The following CHRM2 variants were observed in gnomAD, a reference collection of about 807,000 sequenced individuals.
The protein encoded by CHRM2 is muscarinic acetylcholine receptor M2.
CHRM2 carries 8 observed loss-of-function variants against 25.0 expected under a neutral mutation model. That is an observed-to-expected ratio of 0.32 (90% confidence interval 0.19 to 0.58). CHRM2 has a LOEUF of 0.58. Among genes scored for constraint, CHRM2 ranks in the 20% least tolerant of loss-of-function variants. CHRM2 has a pLI of 0.88. For missense variants in CHRM2, 440 were observed against 567.1 expected, an observed-to-expected ratio of 0.78 and a Z score of 2.28; for synonymous variants, 202 against 205.7, an observed-to-expected ratio of 0.98 and a Z score of 0.15.
At chr7:136,951,471 T>C (rs998241183) in intron 2 of CHRM2, among the ~76,000 whole-genome samples, 11 of 152,054 alleles carry the variant, frequency 7.2e-5, no homozygotes, top group African/African-American at 2.7e-4. Context: ...CAGCTGTAGG[T>C]TCTATAACTG....
At chr7:136,998,580 A>G (rs948361444) in intron 3 of CHRM2, among the ~76,000 whole-genome samples, 1 of 152,202 alleles carries the variant, frequency 6.6e-6, no homozygotes, top group Non-Finnish European at 1.5e-5. Flanking sequence ...TCATTGCCAC[A>G]GGGACAAAAA....
At chr7:136,974,732 T>C (rs1419782579) in intron 2 of CHRM2, among the ~76,000 whole-genome samples, 45 of 152,202 alleles carry the variant, frequency 3.0e-4, no homozygotes, top group Admixed American at 2.4e-3. Flanking sequence ...CCATTCTACA[T>C]TGGGATTTTA....
intron 2 of CHRM2, among the ~76,000 whole-genome samples, chr7:136,960,785 G>T (rs1801022852): frequency 6.6e-6 from 1 of 152,084 alleles, no homozygotes; most frequent in African/African-American, 2.4e-5. Flanking sequence ...CACTTGCAAT[G>T]GTTCAACTTA....
intron 2 of CHRM2, chr7:136,870,299 C>T (rs984506472): frequency 3.9e-5 from 6 of 152,566 alleles, no homozygotes; most frequent in Admixed American, 2.0e-4. Flanking sequence ...AGGCAATCGC[C>T]GCTAACTTGT....
intron 2 of CHRM2, among the ~76,000 whole-genome samples, chr7:136,892,906 G>T (rs888583776): frequency 2.0e-5 from 3 of 152,110 alleles, no homozygotes; most frequent in African/African-American, 4.8e-5. Context: ...CTGACCTCAG[G>T]TCTCCCAAAG....
At position 136,986,711 on chromosome 7, in the gene CHRM2, G is replaced by A. The variant is rs58856006; in HGVS notation, c.-124-5476G>A. On this transcript the variant is annotated intron_variant, in intron 2 of 3. Transcript: ENST00000680005. The stretch of plus-strand genomic sequence containing the variant: ...AATGAGCTAAGAAATGTCAAATAAT[G>A]ATTTGTTCTACCCTGGGGCAAGCCG... Among the ~76,000 whole-genome samples, 617 of 152,252 alleles carry A rather than the reference G, an allele frequency of 4.1e-3. 4 individuals are homozygous for A. The highest frequency in any genetic ancestry group is 0.014 in the African/African-American group (567 of 41,538).
intron 2 of CHRM2, among the ~76,000 whole-genome samples, chr7:136,916,119 G>T (rs1416813216): frequency 7.3e-6 from 1 of 137,694 alleles, no homozygotes; most frequent in Non-Finnish European, 1.7e-5. Flanking sequence ...TGCACTGTTT[G>T]TAGGGAGAAT....
At chr7:136,875,421 A>G (rs1305719978) in intron 2 of CHRM2, among the ~76,000 whole-genome samples, 1 of 152,058 alleles carries the variant, frequency 6.6e-6, no homozygotes, top group Non-Finnish European at 1.5e-5. Context: ...TCCAAATTCC[A>G]CTGCTGCCCT....
In CHRM2 at chr7:137,018,483, C is replaced by A. The variant is rs1358595469; in HGVS notation, c.*2217C>A. ...AATAACGTCAAGCCAGTGGGCTCCT[C>A]GAGTTTCTGAAAACCAGAGAATTGA... On this transcript the variant is annotated 3_prime_UTR_variant, in exon 4 of 4. Coordinates refer to ENST00000680005, the MANE Select transcript of CHRM2 (RefSeq NM_001006630.2). The A allele has an allele frequency of 9.9e-5, 15 of 151,878 alleles. 1 individual carries two copies. Among genetic ancestry groups the A allele is most frequent in the Admixed American group, 9.9e-4 (15 of 15,200 alleles). 9.4% of individuals were successfully genotyped at this position (151,878 alleles called of 1,614,324 possible). A position where few individuals can be genotyped will look rare whatever the true frequency, so the allele number is the denominator to read the frequency against.
chr7:136,901,456 A>T (rs2130620574), intron 2 of CHRM2, among the ~76,000 whole-genome samples: 1 of 152,176 alleles, frequency 6.6e-6, no homozygotes, highest in African/African-American at 2.4e-5. Context: ...ATTTATTCAT[A>T]CAAAACACAT....
chr7:137,017,565 C>T lies in CHRM2; in HGVS notation c.*1299C>T, dbSNP rs558637879. 20 of 152,046 alleles carry T rather than the reference C, an allele frequency of 1.3e-4. No homozygotes were observed. The highest frequency in any genetic ancestry group is 3.6e-4 in the African/African-American group (15 of 41,530). 9.4% of individuals were successfully genotyped at this position (152,046 alleles called of 1,614,324 possible). The stretch of plus-strand genomic sequence containing the variant: ...TATGACCCCATGAAAGGGGAAAAAA[C>T]GATATTTTAAAAACTATTACTGAAA... On this transcript the variant is annotated 3_prime_UTR_variant, in exon 4 of 4. Coordinates refer to ENST00000680005, the MANE Select transcript of CHRM2 (RefSeq NM_001006630.2).
rs774435971 is a variant in CHRM2 at position 137,015,381 on chromosome 7, G to C, written c.516G>C (p.Glu172Asp). Reference protein sequence around the residue: ...WQFIVGVRTVEDGECYIQFFS... With the variant: ...WQFIVGVRTVDDGECYIQFFS... ...TCATTGTAGGGGTGAGAACTGTGGA[G>C]GATGGGGAGTGCTACATTCAGTTTT... The change falls in exon 4 of 4, where the codon GAG becomes GAC. Residue 172 changes from glutamate to aspartate, a missense_variant. Glu to Asp is a conservative substitution (Grantham distance 45, BLOSUM62 2). Transcript: ENST00000680005. This position sits in a 1 kb window ranked among gnomAD's most constrained non-coding sequence, Gnocchi z 5.1. The C allele has an allele frequency of 1.9e-6, 3 of 1,613,538 alleles. No individual in the cohort carries two copies. In the South Asian group the frequency reaches 3.3e-5, roughly 18 times the overall value.
intron 2 of CHRM2, among the ~76,000 whole-genome samples, chr7:136,908,163 T>A (rs373675897): frequency 6.6e-6 from 1 of 151,986 alleles, no homozygotes; most frequent in Non-Finnish European, 1.5e-5. Context: ...TGCTAACTTA[T>A]TTAAACCTCA....
At chr7:136,980,476 C>G (rs2130970509) in intron 2 of CHRM2, among the ~76,000 whole-genome samples, 1 of 152,312 alleles carries the variant, frequency 6.6e-6, no homozygotes, top group East Asian at 1.9e-4. Flanking sequence ...ACTTCCAATA[C>G]TTTGTTAAAT....
chr7:136,943,125 A>G (rs889938490), intron 2 of CHRM2, among the ~76,000 whole-genome samples: 3 of 152,140 alleles, frequency 2.0e-5, no homozygotes, highest in Admixed American at 6.5e-5. Context: ...AGTGCAGCCC[A>G]TCTCATTATG....
chr7:136,904,755 T>C (rs1797440150), intron 2 of CHRM2, among the ~76,000 whole-genome samples: 1 of 152,080 alleles, frequency 6.6e-6, no homozygotes, highest in African/African-American at 2.4e-5. Context: ...CATCTAAATG[T>C]TTAAAATATA....
rs550825365 is a variant in CHRM2 at position 136,937,280 on chromosome 7, G to A, written c.-124-54907G>A. Among the ~76,000 whole-genome samples, 87 of 152,180 alleles carry A rather than the reference G, an allele frequency of 5.7e-4. No individual in the cohort carries two copies. In the Middle Eastern group the frequency reaches 0.014, roughly 24 times the overall value. Reference sequence around the variant, plus strand: ...AATAACAGCCAAAGTTAGAATTTGGGCTCTGACAAAAATTCCTTTTTCCTC... The same window carrying A: ...AATAACAGCCAAAGTTAGAATTTGGACTCTGACAAAAATTCCTTTTTCCTC... On this transcript the variant is annotated intron_variant, in intron 2 of 3. Coordinates refer to ENST00000680005, the MANE Select transcript of CHRM2 (RefSeq NM_001006630.2).
rs143659645 is a variant in CHRM2 at position 136,874,058 on chromosome 7, T to C, written c.-125+4640T>C. Among the ~76,000 whole-genome samples, 590 of 152,310 alleles carry C rather than the reference T, an allele frequency of 3.9e-3. 3 individuals are homozygous for C. The highest frequency in any genetic ancestry group is 5.5e-3 in the Non-Finnish European group (372 of 68,024). On this transcript the variant is annotated intron_variant, in intron 2 of 3. Coordinates refer to ENST00000680005, the MANE Select transcript of CHRM2 (RefSeq NM_001006630.2). The stretch of plus-strand genomic sequence containing the variant: ...TGATAGGAAGCAGATCAAGAGACTT[T>C]TTCAAGGTGACACAGCTAACCAAGA...
intron 2 of CHRM2, among the ~76,000 whole-genome samples, chr7:136,881,231 G>A (rs1796254866): frequency 6.6e-6 from 1 of 150,878 alleles, no homozygotes; most frequent in Admixed American, 6.6e-5. Flanking sequence ...ACAGTATGTA[G>A]TTTTTTAGAA....
Sources: allele counts gnomAD v4.1 joint callset (sites outside exome capture counted in the v4.1 genomes callset), GRCh38; gene constraint gnomAD v4.1.1; non-coding constraint Gnocchi (gnomAD v3.1); transcripts MANE v1.5; gene names NCBI Gene and HGNC (gene_info 2026-07-23, HGNC 2026-07-21).